Variants in ALK observed in about 807,000 individuals in gnomAD.
ALK encodes the protein ALK tyrosine kinase receptor.
A neutral mutation model predicts 163.1 loss-of-function variants in ALK; 74 were observed. The observed-to-expected ratio is 0.45, with a 90% CI of 0.38 to 0.55. The LOEUF is 0.55. Among genes scored for constraint, ALK ranks in the 20% least tolerant of loss-of-function variants. The pLI is 0.00. For missense variants in ALK, 2,063 were observed against 2,105.3 expected, an observed-to-expected ratio of 0.98 and a Z score of 0.39; for synonymous variants, 960 against 843.2, an observed-to-expected ratio of 1.14 and a Z score of -2.40.
chr2:29,782,535 G>A (rs1046048909), intron 1 of ALK, among the ~76,000 whole-genome samples: 2 of 152,010 alleles, frequency 1.3e-5, no homozygotes, highest in Non-Finnish European at 2.9e-5. Flanking sequence ...CGTTAACCCC[G>A]CCCCACTCCA....
intron 1 of ALK, among the ~76,000 whole-genome samples, chr2:29,778,581 A>G (rs1002836190): frequency 1.2e-4 from 18 of 152,188 alleles, no homozygotes; most frequent in African/African-American, 4.1e-4. Flanking sequence ...GTGTGTGTGC[A>G]GCAGGAGTGA....
At chr2:29,841,034 T>C (rs1297923508) in intron 1 of ALK, among the ~76,000 whole-genome samples, 1 of 152,204 alleles carries the variant, frequency 6.6e-6, no homozygotes, top group Non-Finnish European at 1.5e-5. Flanking sequence ...AATCATTTTG[T>C]TAGCCTTGTG....
chr2:29,419,104 G>T (rs560784519), intron 4 of ALK, among the ~76,000 whole-genome samples: 1 of 151,196 alleles, frequency 6.6e-6, no homozygotes, highest in South Asian at 2.1e-4. Context: ...GCCCAGGCTT[G>T]GGTGCAGTAG....
chr2:29,321,361 G>A (rs531513791), intron 6 of ALK, among the ~76,000 whole-genome samples: 1 of 152,330 alleles, frequency 6.6e-6, no homozygotes, highest in African/African-American at 2.4e-5. Flanking sequence ...GACTGTGGTG[G>A]TGGTTGTGGT....
chr2:29,699,006 A>G (rs577901675), intron 2 of ALK, among the ~76,000 whole-genome samples: 2 of 152,272 alleles, frequency 1.3e-5, no homozygotes, highest in African/African-American at 4.8e-5. Context: ...TGCCTAAAAC[A>G]CCAGGTTAAG....
chr2:29,697,396 T>C (rs1330138233), intron 2 of ALK, among the ~76,000 whole-genome samples: 5 of 152,204 alleles, frequency 3.3e-5, no homozygotes, highest in Non-Finnish European at 5.9e-5. Context: ...TTGTACTTTG[T>C]TGAGCTTCCC....
At chr2:29,251,579 A>T (rs1664815906) in intron 11 of ALK, among the ~76,000 whole-genome samples, 1 of 152,166 alleles carries the variant, frequency 6.6e-6, no homozygotes, top group Non-Finnish European at 1.5e-5. Context: ...AAGCCACAGG[A>T]GGGCCCAGCC....
At chr2:29,653,907 CA>C (rs1413706669) in intron 3 of ALK, among the ~76,000 whole-genome samples, 18 of 152,100 alleles carry the variant, frequency 1.2e-4, no homozygotes, top group Non-Finnish European at 2.5e-4. Flanking sequence ...ACTAAAAATA[CA>C]AAAATCAGCT....
At chr2:29,405,517 GT>G (rs1217895731) in intron 4 of ALK, among the ~76,000 whole-genome samples, 1 of 152,216 alleles carries the variant, frequency 6.6e-6, no homozygotes, top group African/African-American at 2.4e-5. Context: ...CCCACTTTGT[GT>G]TGAGTTCCTA....
intron 9 of ALK, chr2:29,286,551 A>G (rs967162180): frequency 6.6e-6 from 1 of 152,206 alleles, no homozygotes; most frequent in Admixed American, 6.5e-5. Context: ...AGGTGATCAT[A>G]ATGTTCATCC....
At chr2:29,344,332 G>C (rs1160663248) in intron 5 of ALK, among the ~76,000 whole-genome samples, 1 of 152,118 alleles carries the variant, frequency 6.6e-6, no homozygotes, top group African/African-American at 2.4e-5. Flanking sequence ...ATGACTGCTT[G>C]GACTAACAGC....
rs549663951 is a variant in ALK, at chr2:29,529,889, C to T, written c.1154+2026G>A. Among the ~76,000 whole-genome samples, 45 of 152,306 alleles carry T rather than the reference C, an allele frequency of 3.0e-4. 1 individual carries two copies. The South Asian group carries it at 8.7e-3, about 29-fold the overall frequency. On this transcript the variant is annotated intron_variant, in intron 4 of 28. Coordinates refer to ENST00000389048, the MANE Select transcript of ALK (RefSeq NM_004304.5). ...TCACACCCTCCAGAGGACAGAGCAG[C>T]TCCTCTGGTGATGGAGGCATTGCCT...
intron 4 of ALK, among the ~76,000 whole-genome samples, chr2:29,506,254 CT>C: frequency 6.6e-6 from 1 of 152,250 alleles, no homozygotes; most frequent in South Asian, 2.1e-4. Flanking sequence ...ATGGTTCTTG[CT>C]TTTCTTTATA....
At chr2:29,391,291 TA>T (rs1669162860) in intron 4 of ALK, among the ~76,000 whole-genome samples, 2 of 100,442 alleles carry the variant, frequency 2.0e-5, no homozygotes, top group Non-Finnish European at 3.9e-5. Flanking sequence ...CTCCTTTTCC[TA>T]GCCTCTTTTT....
At chr2:29,491,890 C>T (rs2148125468) in intron 4 of ALK, among the ~76,000 whole-genome samples, 1 of 152,306 alleles carries the variant, frequency 6.6e-6, no homozygotes, top group South Asian at 2.1e-4. Context: ...TTCTCAGGCA[C>T]TTTTCACAGA....
intron 3 of ALK, among the ~76,000 whole-genome samples, chr2:29,637,657 C>T (rs1039369968): frequency 2.1e-5 from 3 of 146,184 alleles, no homozygotes; most frequent in Non-Finnish European, 3.0e-5. Flanking sequence ...TGCAGTGAGC[C>T]GACATTGCAC....
At chr2:29,361,062 C>A (rs1348955598) in intron 5 of ALK, among the ~76,000 whole-genome samples, 1 of 152,216 alleles carries the variant, frequency 6.6e-6, no homozygotes, top group Admixed American at 6.5e-5. Flanking sequence ...GCAGCAAAGT[C>A]CCCCTGGATC....
intron 3 of ALK, among the ~76,000 whole-genome samples, chr2:29,627,260 G>A (rs899056333): frequency 3.3e-5 from 5 of 152,034 alleles, no homozygotes; most frequent in African/African-American, 1.2e-4. Flanking sequence ...CTGTTCTCCA[G>A]CCCCAGCTGC....
intron 4 of ALK, among the ~76,000 whole-genome samples, chr2:29,521,448 T>G (rs1333406070): frequency 6.6e-6 from 1 of 152,192 alleles, no homozygotes; most frequent in Non-Finnish European, 1.5e-5. Flanking sequence ...GGAATAGACA[T>G]TGCACCAAAT....
Sources: allele counts gnomAD v4.1 joint callset (sites outside exome capture counted in the v4.1 genomes callset), GRCh38; gene constraint gnomAD v4.1.1; transcripts MANE v1.5; gene names NCBI Gene and HGNC (gene_info 2026-07-23, HGNC 2026-07-21).